Variants in RASAL2 observed in about 807,000 individuals in gnomAD.
RASAL2 encodes the protein RAS protein activator like 2.
A neutral mutation model predicts 128.9 loss-of-function variants in RASAL2; 58 were observed. The observed-to-expected ratio is 0.45, with a 90% confidence interval of 0.36 to 0.56. The LOEUF is 0.56. RASAL2 is among the 20% of genes least tolerant of loss of function. RASAL2 has a pLI of 0.00. For synonymous variants in RASAL2, 561 were observed against 580.8 expected (o/e 0.97, Z 0.49); for missense variants, 1,360 against 1,601.6 (o/e 0.85, Z 2.57).
intron 1 of RASAL2, among the ~76,000 whole-genome samples, chr1:178,222,194 GTC>G (rs934657778): frequency 7.2e-5 from 11 of 152,078 alleles, no homozygotes; most frequent in African/African-American, 2.2e-4. Flanking sequence ...TATTCTAACG[GTC>G]TCTATTTTTA....
At chr1:178,381,291 G>T (rs1672269020) in intron 3 of RASAL2, among the ~76,000 whole-genome samples, 1 of 152,142 alleles carries the variant, frequency 6.6e-6, no homozygotes, top group African/African-American at 2.4e-5. Context: ...GTCAGTAAGA[G>T]CAGTTAGGTG....
chr1:178,417,098 A>C (rs182389643), intron 4 of RASAL2, among the ~76,000 whole-genome samples: 2 of 148,780 alleles, frequency 1.3e-5, no homozygotes, highest in Admixed American at 6.7e-5. Flanking sequence ...CTGATTTTCT[A>C]TTTCTTTCTC....
intron 1 of RASAL2, among the ~76,000 whole-genome samples, chr1:178,281,892 A>G (rs533805836): frequency 1.3e-5 from 2 of 152,330 alleles, no homozygotes; most frequent in Admixed American, 6.5e-5. Context: ...AGAATATCCT[A>G]TATATGTACA....
At chr1:178,442,607 C>T in intron 7 of RASAL2, 68 bp from the exon 8 acceptor site, 1 of 1,405,066 alleles carries the variant, frequency 7.1e-7, no homozygotes, top group Non-Finnish European at 9.6e-7. Flanking sequence ...ACATTGCCAA[C>T]TTAAGAAAAA....
rs573993914 is a variant in RASAL2 at position 178,242,423 on chromosome 1, T to C, written c.203-41141T>C. ...TGCTAATGACAATTTTTATAATTCA[T>C]TCTCTCTCTCTCTCTCTCTCTCTCT... is the stretch of plus-strand genomic sequence containing the variant. On this transcript the variant is annotated intron_variant, in intron 1 of 17. Coordinates refer to ENST00000367649, the MANE Select transcript of RASAL2 (RefSeq NM_170692.4). Among the ~76,000 whole-genome samples the C allele has an allele frequency of 5.6e-3, 475 of 85,228 alleles. 3 individuals are homozygous for C. Among genetic ancestry groups the C allele is most frequent in the African/African-American group, 0.02 (446 of 22,812 alleles). The allele number at this position is 85,228 out of a possible 152,430, so 55.9% of individuals were successfully genotyped here. A position where few individuals can be genotyped will look rare whatever the true frequency, so the allele number is the denominator to read the frequency against.
intron 1 of RASAL2, among the ~76,000 whole-genome samples, chr1:178,237,155 G>C (rs756346107): frequency 2.0e-5 from 3 of 152,046 alleles, no homozygotes; most frequent in Non-Finnish European, 1.5e-5. Flanking sequence ...TAAGGAATTA[G>C]AGCCTCAGAA....
Position 178,371,814 on chromosome 1 carries a change from A to G in RASAL2, c.458-18286A>G, listed in dbSNP as rs55641587. ...ATATTTTTTACTTAACTGATTAGCTATTGTGCTGTCTGGTTATCTAAGCTG... is the reference window on the plus strand; with the variant it reads ...ATATTTTTTACTTAACTGATTAGCTGTTGTGCTGTCTGGTTATCTAAGCTG... On this transcript the variant is annotated intron_variant, in intron 3 of 17. Coordinates refer to ENST00000367649, the MANE Select transcript of RASAL2 (RefSeq NM_170692.4). Among the ~76,000 whole-genome samples, 342 of 152,220 alleles carry G rather than the reference A, an allele frequency of 2.2e-3. 3 individuals are homozygous for G. The highest frequency in any genetic ancestry group is 7.9e-3 in the African/African-American group (328 of 41,534).
chr1:178,236,844 A>G (rs906870569), intron 1 of RASAL2, among the ~76,000 whole-genome samples: 2 of 147,808 alleles, frequency 1.4e-5, no homozygotes, highest in African/African-American at 2.5e-5. Flanking sequence ...GCTCACTGCA[A>G]CCTCCGCCTC....
intron 1 of RASAL2, among the ~76,000 whole-genome samples, chr1:178,255,806 AAAC>A (rs1665318340): frequency 6.6e-6 from 1 of 152,178 alleles, no homozygotes; most frequent in African/African-American, 2.4e-5. Context: ...GATAAATAGA[AAAC>A]AAAAGGTAAA....
intron 3 of RASAL2, among the ~76,000 whole-genome samples, chr1:178,333,165 A>G (rs565116655): frequency 2.3e-4 from 35 of 152,150 alleles, no homozygotes; most frequent in Middle Eastern, 6.8e-3. Context: ...AGTAGCTGGG[A>G]CTACAGGCGC....
intron 4 of RASAL2, among the ~76,000 whole-genome samples, chr1:178,405,514 T>C (rs943648335): frequency 3.9e-5 from 6 of 152,226 alleles, no homozygotes; most frequent in Non-Finnish European, 5.9e-5. Context: ...ATCACGAGAC[T>C]TTAAAAGCTG....
intron 1 of RASAL2, among the ~76,000 whole-genome samples, chr1:178,183,798 A>G (rs934854422): frequency 3.3e-5 from 5 of 152,192 alleles, no homozygotes; most frequent in African/African-American, 1.2e-4. Flanking sequence ...TGTGGACATA[A>G]GTTTTCAGAC....
rs541002485 is a variant in RASAL2, at chr1:178,220,245, G to C, written c.203-63319G>C. On this transcript the variant is annotated intron_variant, in intron 1 of 17. Transcript: ENST00000367649. ...TATTCCTTTATAGAGACACAAAGTA[G>C]ACTAACATATAGGATGACTAATTGT... Among the ~76,000 whole-genome samples, 3 of 152,166 alleles carry C rather than the reference G, an allele frequency of 2.0e-5. No homozygotes were observed. The East Asian group carries it at 5.8e-4, about 30-fold the overall frequency.
At chr1:178,445,459 C>T in intron 8 of RASAL2, 59 bp from the exon 9 acceptor site, 5 of 1,545,960 alleles carry the variant, frequency 3.2e-6, no homozygotes, top group Non-Finnish European at 4.4e-6. Context: ...TCAAAAGTCT[C>T]TTCTAATGTG....
intron 4 of RASAL2, among the ~76,000 whole-genome samples, chr1:178,401,214 G>T (rs1277610584): frequency 2.0e-5 from 3 of 152,188 alleles, no homozygotes; most frequent in Non-Finnish European, 4.4e-5. Context: ...ACGTTGCAAA[G>T]ACATTGACCT....
intron 17 of RASAL2, among the ~76,000 whole-genome samples, chr1:178,472,208 T>G (rs763782010): frequency 1.7e-4 from 26 of 152,234 alleles, no homozygotes; most frequent in Admixed American, 5.2e-4. Flanking sequence ...ATAGTCCTAC[T>G]TTCCTTTAGT....
At chr1:178,218,820 T>C (rs1490167997) in intron 1 of RASAL2, among the ~76,000 whole-genome samples, 1 of 152,210 alleles carries the variant, frequency 6.6e-6, no homozygotes, top group Admixed American at 6.5e-5. Context: ...GAATAGAAAA[T>C]GAGCATTGGC....
At chr1:178,278,156 G>C (rs1489764720) in intron 1 of RASAL2, among the ~76,000 whole-genome samples, 1 of 152,284 alleles carries the variant, frequency 6.6e-6, no homozygotes, top group East Asian at 1.9e-4. Flanking sequence ...ATGAGGGCTG[G>C]GCGTCTCATT....
intron 1 of RASAL2, among the ~76,000 whole-genome samples, chr1:178,143,960 G>A (rs1285922460): frequency 4.6e-5 from 7 of 152,164 alleles, no homozygotes; most frequent in Non-Finnish European, 8.8e-5. Flanking sequence ...ATCATAAGTG[G>A]TGTTATAGTA....
Sources: allele counts gnomAD v4.1 joint callset (sites outside exome capture counted in the v4.1 genomes callset), GRCh38; gene constraint gnomAD v4.1.1; transcripts MANE v1.5; gene names NCBI Gene and HGNC (gene_info 2026-07-23, HGNC 2026-07-21).